DENND6B: variants seen among roughly 807,000 people sequenced by gnomAD.
DENND6B encodes protein DENND6B.
DENND6B carries 73 observed loss-of-function variants against 85.1 expected under a neutral mutation model. The observed-to-expected ratio is 0.86, with a 90% CI of 0.71 to 1.04. The LOEUF is 1.04. Among genes scored for constraint, DENND6B ranks in the 50% least tolerant of loss-of-function variants. The probability of loss-of-function intolerance (pLI) is 0.00; values close to 1 mark genes in which losing one functional copy is unlikely to be tolerated. For missense variants in DENND6B, 715 were observed against 785.8 expected (o/e 0.91, Z 1.08); for synonymous variants, 357 against 329.3 (o/e 1.08, Z -0.91).
At chr22:50,315,890 G>A in intron 8 of DENND6B, 121 bp from the exon 9 acceptor site, 2 of 1,522,622 alleles carry the variant, frequency 1.3e-6, no homozygotes, top group Non-Finnish European at 1.8e-6. Context: ...CCAACACACA[G>A]CCTGTGGCTT....
rs777997267 is a variant in DENND6B at position 50,314,912 on chromosome 22, C to T, written c.768G>A (p.Arg256=). 2 of 1,609,838 alleles carry T rather than the reference C, an allele frequency of 1.2e-6. No individual in the cohort carries two copies. Among genetic ancestry groups the T allele is most frequent in the East Asian group, 2.2e-5 (1 of 44,788 alleles). Residue 256 remains arginine, a synonymous_variant, in exon 10 of 20, where the codon CGG becomes CGA. Coordinates refer to ENST00000413817, the MANE Select transcript of DENND6B (RefSeq NM_001001794.4). ...GTGTCTGCATATGAGTCAGCACAGG[C>T]CGGAAGCACCTGGGGCCGGGCAGGA... ...VHELDLFRCF[R]PVLTHMQTLW...
In DENND6B at chr22:50,314,707, G is replaced by A; in HGVS notation, c.882-7C>T. 3 of 1,566,770 alleles carry A rather than the reference G, an allele frequency of 1.9e-6. 1 individual carries two copies. The highest frequency in any genetic ancestry group is 2.6e-6 in the Non-Finnish European group (3 of 1,156,584). On this transcript the variant is annotated splice_polypyrimidine_tract_variant and splice_region_variant and intron_variant, in intron 10 of 19. Transcript: ENST00000413817. The stretch of plus-strand genomic sequence containing the variant: ...CCTGAGGGGCTGCAGGCAGCTGTGG[G>A]CAGAGGCAGCAGGGAGCAGGTGAGG...
intron 1 of DENND6B, among the ~76,000 whole-genome samples, chr22:50,324,527 C>T (rs754468886): frequency 2.2e-4 from 34 of 152,302 alleles, no homozygotes; most frequent in East Asian, 5.8e-4. Flanking sequence ...TGGGTTCAAG[C>T]GATTTGCCTG....
In DENND6B at chr22:50,313,005, A is replaced by G. The variant is rs759816229; in HGVS notation, c.1451T>C (p.Leu484Pro). Residue 484 changes from leucine to proline, a missense_variant, in exon 17 of 20, where the codon CTC becomes CCC. Leu to Pro is a moderately conservative substitution (Grantham distance 98). Coordinates refer to ENST00000413817, the MANE Select transcript of DENND6B (RefSeq NM_001001794.4). ...GCACCTGCAGTCCACGCACCTGTAG[A>G]GACCCAGCCAGTCGCCCTTGAGGAT... ...TCILKGDWLG[L>P]YRRFFKSPHF... 9.0e-6 allele frequency: 14 copies of G among 1,556,746 alleles called. No individual in the cohort carries two copies. The highest frequency in any genetic ancestry group is 1.9e-5 in the Admixed American group (1 of 51,928).
intron 9 of DENND6B, among the ~76,000 whole-genome samples, chr22:50,315,268 A>C (rs1439442470): frequency 6.6e-6 from 1 of 152,084 alleles, no homozygotes; most frequent in African/African-American, 2.4e-5. Flanking sequence ...GCCCATCCCA[A>C]GTGCAGCCCT....
intron 1 of DENND6B, among the ~76,000 whole-genome samples, chr22:50,320,226 T>C (rs2042000980): frequency 6.6e-6 from 1 of 152,180 alleles, no homozygotes; most frequent in Non-Finnish European, 1.5e-5. Flanking sequence ...CATCTGCCAT[T>C]TTGTTTCTGA....
At chr22:50,322,287 G>C (rs1312154650) in intron 1 of DENND6B, among the ~76,000 whole-genome samples, 1 of 152,096 alleles carries the variant, frequency 6.6e-6, no homozygotes, top group Non-Finnish European at 1.5e-5. Context: ...TGTTAGCCAG[G>C]ATGGTCTTGA....
intron 1 of DENND6B, among the ~76,000 whole-genome samples, chr22:50,324,570 G>T (rs564639033): frequency 6.6e-6 from 1 of 152,138 alleles, no homozygotes; most frequent in Non-Finnish European, 1.5e-5. Flanking sequence ...GATTACAGGC[G>T]TGCGCCACCA....
At chr22:50,318,291 T>C (rs2147781404) in intron 3 of DENND6B, among the ~76,000 whole-genome samples, 1 of 152,226 alleles carries the variant, frequency 6.6e-6, no homozygotes, top group South Asian at 2.1e-4. Flanking sequence ...TGCAGTGAGC[T>C]GAGATGGTGC....
intron 1 of DENND6B, 117 bp from the exon 2 acceptor site, chr22:50,319,120 AG>A (rs1317273244): frequency 6.5e-7 from 1 of 1,539,920 alleles, no homozygotes; most frequent in Admixed American, 2.0e-5. Context: ...TGTGGGGCGC[AG>A]GTCAGTGCCC....
chr22:50,315,806 G>T, intron 8 of DENND6B, 37 bp from the exon 9 acceptor site: 3 of 1,494,842 alleles, frequency 2.0e-6, no homozygotes, highest in Non-Finnish European at 2.7e-6. Context: ...GCCAAGGGGA[G>T]GCTGGCACCC....
intron 9 of DENND6B, among the ~76,000 whole-genome samples, 190 bp downstream of exon 9, chr22:50,315,524 A>G (rs1020703676): frequency 8.5e-5 from 13 of 152,340 alleles, no homozygotes; most frequent in East Asian, 3.9e-4. Context: ...AGGGGTACTC[A>G]GGATGAGCGC....
chr22:50,312,465 T>A, intron 18 of DENND6B, 48 bp from the exon 19 acceptor site: 1 of 1,587,908 alleles, frequency 6.3e-7, no homozygotes. Flanking sequence ...CTCACTGCCC[T>A]GGGCCTGTGC....
At position 50,314,957 on chromosome 22, in the gene DENND6B, G is replaced by A. The variant is rs760965580; in HGVS notation, c.759-36C>T. 3.7e-6 allele frequency: 6 copies of A among 1,602,630 alleles called. No individual in the cohort carries two copies. The Admixed American group carries it at 1.0e-4, about 27-fold the overall frequency. ...GCAGGAAGGTCGGGGAGGTCAGGCA[G>A]GGGCTGAGACTCCTGGCTCTGGCCC... On this transcript the variant is annotated intron_variant, in intron 9 of 19. Coordinates refer to ENST00000413817, the MANE Select transcript of DENND6B (RefSeq NM_001001794.4).
chr22:50,320,691 A>G (rs1277544873), intron 1 of DENND6B, among the ~76,000 whole-genome samples: 2 of 152,164 alleles, frequency 1.3e-5, no homozygotes, highest in Non-Finnish European at 2.9e-5. Context: ...TAGCTCCATG[A>G]GGGGCTGGAG....
At chr22:50,321,103 TCA>T (rs751547059) in intron 1 of DENND6B, among the ~76,000 whole-genome samples, 3 of 152,166 alleles carry the variant, frequency 2.0e-5, no homozygotes, top group Non-Finnish European at 2.9e-5. Flanking sequence ...CTGCTCCTGG[TCA>T]CCAGTCACCC....
In DENND6B at chr22:50,312,027, T is replaced by C; in HGVS notation, c.*112A>G. 6.7e-7 allele frequency: 1 copy of C among 1,482,180 alleles called. No homozygotes were observed. The allele number at this position is 1,482,180 out of a possible 1,614,324, so 91.8% of individuals were successfully genotyped here. ...GGTGCAGGAAGGGGAGCCTGCAGTC[T>C]GGGCGGGGGGCCAAGGAAGGGGAGC... is the stretch of plus-strand genomic sequence containing the variant. On this transcript the variant is annotated 3_prime_UTR_variant, in exon 20 of 20. Transcript: ENST00000413817.
chr22:50,320,188 C>G, intron 1 of DENND6B, among the ~76,000 whole-genome samples: 1 of 152,238 alleles, frequency 6.6e-6, no homozygotes, highest in Admixed American at 6.5e-5. Flanking sequence ...AGCCCCCAGA[C>G]AGTGAGGAGC....
At chr22:50,316,317 G>T (rs1454724529) in intron 6 of DENND6B, 53 bp downstream of exon 6, 1 of 1,562,690 alleles carries the variant, frequency 6.4e-7, no homozygotes, top group Admixed American at 1.9e-5. Flanking sequence ...AGCCCACCAG[G>T]GGCCACAGCT....
Sources: allele counts gnomAD v4.1 joint callset (sites outside exome capture counted in the v4.1 genomes callset), GRCh38; gene constraint gnomAD v4.1.1; transcripts MANE v1.5; gene names NCBI Gene and HGNC (gene_info 2026-07-23, HGNC 2026-07-21).